Variants in CPQ observed in about 807,000 individuals in gnomAD.
CPQ encodes the protein carboxypeptidase Q, also known as Ser-Met dipeptidase.
CPQ carries 37 observed loss-of-function variants against 45.7 expected under a neutral mutation model. That is an observed-to-expected ratio of 0.81 (90% CI 0.62 to 1.07). CPQ has a LOEUF of 1.07. Ranked by LOEUF, CPQ falls within the 50% of genes least tolerant of loss-of-function variation. The pLI is 0.00. For missense variants in CPQ, 537 were observed against 572.9 expected, an observed-to-expected ratio of 0.94 and a Z score of 0.64; for synonymous variants, 186 against 205.8, an observed-to-expected ratio of 0.90 and a Z score of 0.82.
chr8:97,036,688 T>C (rs994236737), intron 6 of CPQ, among the ~76,000 whole-genome samples: 3 of 152,228 alleles, frequency 2.0e-5, no homozygotes, highest in African/African-American at 7.2e-5. Context: ...ATACCTAGCT[T>C]CAACTGGATT....
At chr8:96,671,464 G>T (rs1199095620) in intron 1 of CPQ, among the ~76,000 whole-genome samples, 2 of 152,184 alleles carry the variant, frequency 1.3e-5, no homozygotes, top group African/African-American at 4.8e-5. Flanking sequence ...AACTTGCCAA[G>T]AATATCCTCT....
intron 7 of CPQ, among the ~76,000 whole-genome samples, chr8:97,095,668 A>T (rs556493127): frequency 9.3e-4 from 141 of 152,318 alleles, no homozygotes; most frequent in South Asian, 4.4e-3. Flanking sequence ...GAAATTATTT[A>T]AAAACACCAA....
Position 97,018,194 on chromosome 8 carries a change from T to A in CPQ, c.962-11209T>A, listed in dbSNP as rs561755839. 3.3e-4 allele frequency among the ~76,000 whole-genome samples: 51 copies of A among 152,276 alleles called. No individual in the cohort carries two copies. In the South Asian group the frequency reaches 5.6e-3, roughly 17 times the overall value. On this transcript the variant is annotated intron_variant, in intron 5 of 7. Coordinates refer to ENST00000220763, the MANE Select transcript of CPQ (RefSeq NM_016134.4). ...ATCCCTAGGAAAAGGGGGAGAGTAC[T>A]ACATCAAGGAAACACCCTGTGAGAC... is the stretch of plus-strand genomic sequence containing the variant.
chr8:96,915,344 A>G (rs1317592401), intron 4 of CPQ, among the ~76,000 whole-genome samples: 1 of 152,174 alleles, frequency 6.6e-6, no homozygotes, highest in Non-Finnish European at 1.5e-5. Context: ...GCTGAACACC[A>G]AAATAACTAC....
chr8:96,724,904 AAT>A (rs1321337346), intron 1 of CPQ, among the ~76,000 whole-genome samples: 1 of 152,216 alleles, frequency 6.6e-6, no homozygotes, highest in African/African-American at 2.4e-5. Context: ...AATGAAACAG[AAT>A]AGAGATCCCA....
At chr8:96,949,778 A>C (rs545757485) in intron 4 of CPQ, among the ~76,000 whole-genome samples, 2 of 152,206 alleles carry the variant, frequency 1.3e-5, no homozygotes, top group South Asian at 2.1e-4. Context: ...AGATTCTCTT[A>C]TCCTGTAGGA....
chr8:96,841,290 G>A (rs942791872), intron 3 of CPQ, among the ~76,000 whole-genome samples: 1 of 152,118 alleles, frequency 6.6e-6, no homozygotes, highest in Non-Finnish European at 1.5e-5. Context: ...TCTGTTGTCC[G>A]CTTTTTAGAT....
At chr8:97,026,249 G>GC (rs1563558063) in intron 5 of CPQ, among the ~76,000 whole-genome samples, 11 of 152,154 alleles carry the variant, frequency 7.2e-5, no homozygotes, top group African/African-American at 2.4e-4. Flanking sequence ...TATGTGCCAG[G>GC]ACTATGCTTG....
At chr8:97,005,012 G>A (rs1014754753) in intron 5 of CPQ, among the ~76,000 whole-genome samples, 2 of 151,968 alleles carry the variant, frequency 1.3e-5, no homozygotes, top group African/African-American at 4.8e-5. Flanking sequence ...TTATGGGGCT[G>A]AAGAAAAGGC....
chr8:97,019,128 T>C (rs1056362039), intron 5 of CPQ, among the ~76,000 whole-genome samples: 27 of 152,114 alleles, frequency 1.8e-4, no homozygotes, highest in African/African-American at 6.3e-4. Context: ...CCGGCGAAAT[T>C]AAGCTTCATA....
At chr8:97,076,925 A>T (rs1439184712) in intron 7 of CPQ, among the ~76,000 whole-genome samples, 1 of 152,218 alleles carries the variant, frequency 6.6e-6, no homozygotes, top group East Asian at 1.9e-4. Flanking sequence ...GCTACTGTTG[A>T]TCAGAAGTCT....
chr8:96,932,175 A>AAAGGAAGG (rs144460338), intron 4 of CPQ, among the ~76,000 whole-genome samples: 33 of 151,744 alleles, frequency 2.2e-4, no homozygotes, highest in East Asian at 5.8e-4. Flanking sequence ...ACTTGGGAAG[A>AAAGGAAGG]AAGGAAGGAA....
At chr8:96,658,897 T>A (rs975192946) in intron 1 of CPQ, among the ~76,000 whole-genome samples, 1 of 152,246 alleles carries the variant, frequency 6.6e-6, no homozygotes, top group African/African-American at 2.4e-5. Context: ...TGCCGATACC[T>A]TGCTTTTACG....
At chr8:97,052,951 T>C (rs1276007019) in intron 6 of CPQ, among the ~76,000 whole-genome samples, 1 of 152,210 alleles carries the variant, frequency 6.6e-6, no homozygotes, top group Non-Finnish European at 1.5e-5. Flanking sequence ...ATAACTTTAA[T>C]TGTGGAACTG....
intron 4 of CPQ, among the ~76,000 whole-genome samples, chr8:96,917,966 C>T (rs928968765): frequency 2.0e-5 from 3 of 152,100 alleles, no homozygotes. Context: ...GCTTATAGTG[C>T]AGTTACTGTT....
chr8:96,937,937 T>C (rs1379128647), intron 4 of CPQ, among the ~76,000 whole-genome samples: 1 of 152,240 alleles, frequency 6.6e-6, no homozygotes, highest in Non-Finnish European at 1.5e-5. Context: ...GTTGGTTTGT[T>C]GTTTAAACTA....
chr8:97,122,441 C>T (rs1811721753), intron 7 of CPQ, among the ~76,000 whole-genome samples: 1 of 151,856 alleles, frequency 6.6e-6, no homozygotes. Context: ...AAATATTCCT[C>T]AAAAATAAGA....
chr8:96,723,444 C>T (rs1399215381), intron 1 of CPQ, among the ~76,000 whole-genome samples: 1 of 152,094 alleles, frequency 6.6e-6, no homozygotes, highest in African/African-American at 2.4e-5. Context: ...TCCCTCCACC[C>T]CTTTGGTTTG....
intron 1 of CPQ, among the ~76,000 whole-genome samples, chr8:96,705,307 C>G (rs557434024): frequency 5.3e-5 from 8 of 152,108 alleles, no homozygotes; most frequent in Admixed American, 2.0e-4. Context: ...TGCTTGAAAC[C>G]CTAGTGCCTA....
Sources: allele counts gnomAD v4.1 joint callset (sites outside exome capture counted in the v4.1 genomes callset), GRCh38; gene constraint gnomAD v4.1.1; transcripts MANE v1.5; gene names NCBI Gene and HGNC (gene_info 2026-07-23, HGNC 2026-07-21).